CHSY3: variants seen among roughly 807,000 people sequenced by gnomAD.
CHSY3 encodes the protein chondroitin sulfate synthase 3.
Under a neutral mutation model 67.2 loss-of-function variants are expected in CHSY3, and 35 were observed. The ratio of observed to expected loss-of-function variants is 0.52; its 90% CI spans 0.40 to 0.69. CHSY3 has a LOEUF of 0.69. Among genes scored for constraint, CHSY3 ranks in the 30% least tolerant of loss-of-function variants. CHSY3 has a pLI of 0.00. For synonymous variants in CHSY3, 474 were observed against 434.7 expected (o/e 1.09, Z -1.12); for missense variants, 1,069 against 1,138.5 (o/e 0.94, Z 0.88).
intron 2 of CHSY3, among the ~76,000 whole-genome samples, chr5:129,973,979 C>T (rs1022761880): frequency 2.0e-5 from 3 of 152,082 alleles, no homozygotes; most frequent in African/African-American, 4.8e-5. Flanking sequence ...AGGTCTGCAA[C>T]GCTCTTGTTC....
rs991836700 is a variant in CHSY3 at position 129,904,686 on chromosome 5, G to T, written c.-144G>T. On this transcript the variant is annotated 5_prime_UTR_variant, in exon 1 of 3. Transcript: ENST00000305031. ...GCAGTCGAGGCGTCCGCGGCGCTTC[G>T]ACCTCCAGCCGGTGTCGGCGCCTAG... is the stretch of plus-strand genomic sequence containing the variant. The T allele has an allele frequency of 8.4e-7, 1 of 1,193,008 alleles. No homozygotes were observed. The highest frequency in any genetic ancestry group is 1.0e-6 in the Non-Finnish European group (1 of 958,152). 73.9% of individuals were successfully genotyped at this position (1,193,008 alleles called of 1,614,324 possible).
At chr5:130,159,889 A>G (rs1025646769) in intron 2 of CHSY3, among the ~76,000 whole-genome samples, 1 of 152,224 alleles carries the variant, frequency 6.6e-6, no homozygotes, top group African/African-American at 2.4e-5. Context: ...GTAGAAGTGC[A>G]TACCTAATGT....
intron 2 of CHSY3, among the ~76,000 whole-genome samples, chr5:130,069,461 G>A (rs548668667): frequency 5.9e-4 from 89 of 152,012 alleles, no homozygotes; most frequent in African/African-American, 2.1e-3. Context: ...ACCAGCCTGA[G>A]CAATATAGTG....
intron 2 of CHSY3, among the ~76,000 whole-genome samples, chr5:130,115,988 C>A (rs910454009): frequency 1.3e-5 from 2 of 152,124 alleles, no homozygotes; most frequent in Admixed American, 1.3e-4. Flanking sequence ...CCACACGGAT[C>A]ACACAGGAGG....
In CHSY3 at chr5:130,165,931, C is replaced by T. The variant is rs190595490; in HGVS notation, c.1087-18298C>T. The stretch of plus-strand genomic sequence containing the variant: ...TATAAAGAATTGGAGATGGTATTCA[C>T]GTGAATATTTTGATTACACTGATCT... On this transcript the variant is annotated intron_variant, in intron 2 of 2. Transcript: ENST00000305031. Among the ~76,000 whole-genome samples, 31 of 152,074 alleles carry T rather than the reference C, an allele frequency of 2.0e-4. 1 individual carries two copies. In the East Asian group the frequency reaches 4.6e-3, roughly 23 times the overall value.
intron 2 of CHSY3, among the ~76,000 whole-genome samples, chr5:130,163,331 G>T (rs888433797): frequency 2.0e-5 from 3 of 152,026 alleles, no homozygotes; most frequent in Non-Finnish European, 2.9e-5. Flanking sequence ...TCTTTTTAGA[G>T]AAATTAATAG....
intron 2 of CHSY3, among the ~76,000 whole-genome samples, chr5:129,932,731 T>G (rs1445892144): frequency 6.6e-6 from 1 of 152,150 alleles, no homozygotes; most frequent in Non-Finnish European, 1.5e-5. Flanking sequence ...AAATATTGAC[T>G]AATACCCATT....
chr5:130,024,813 A>G (rs905176187), intron 2 of CHSY3, among the ~76,000 whole-genome samples: 1 of 152,174 alleles, frequency 6.6e-6, no homozygotes, highest in Non-Finnish European at 1.5e-5. Flanking sequence ...ACTACAGTGT[A>G]TAAACTTATG....
chr5:130,124,581 G>A (rs770655012), intron 2 of CHSY3, among the ~76,000 whole-genome samples: 11 of 151,410 alleles, frequency 7.3e-5, no homozygotes, highest in Admixed American at 3.3e-4. Flanking sequence ...TCAGCATCCC[G>A]AGTAGCTGAG....
chr5:130,083,802 T>G (rs560610800), intron 2 of CHSY3, among the ~76,000 whole-genome samples: 2 of 151,802 alleles, frequency 1.3e-5, no homozygotes, highest in South Asian at 4.2e-4. Context: ...CTGGTTTTTG[T>G]TTTTTTTCTG....
chr5:130,005,354 G>T (rs1763845680), intron 2 of CHSY3, among the ~76,000 whole-genome samples: 1 of 151,996 alleles, frequency 6.6e-6, no homozygotes, highest in Non-Finnish European at 1.5e-5. Flanking sequence ...GGCAGAGGTT[G>T]CAGTGAGCCG....
intron 2 of CHSY3, among the ~76,000 whole-genome samples, chr5:130,016,762 T>C (rs1251087992): frequency 1.3e-5 from 2 of 152,166 alleles, no homozygotes; most frequent in Non-Finnish European, 2.9e-5. Flanking sequence ...GTCTGAAGTA[T>C]AGAGATCATA....
At chr5:129,928,113 G>T (rs527676710) in intron 2 of CHSY3, among the ~76,000 whole-genome samples, 70 of 152,050 alleles carry the variant, frequency 4.6e-4, no homozygotes, top group Middle Eastern at 6.8e-3. Flanking sequence ...TGTGTGTCAT[G>T]GGGGTTTGTT....
chr5:129,992,858 G>A (rs564866140), intron 2 of CHSY3, among the ~76,000 whole-genome samples: 1 of 152,286 alleles, frequency 6.6e-6, no homozygotes, highest in Admixed American at 6.5e-5. Context: ...GCCATGTTAT[G>A]TCAAGTTGTG....
At chr5:130,097,730 G>A (rs999037821) in intron 2 of CHSY3, among the ~76,000 whole-genome samples, 8 of 152,288 alleles carry the variant, frequency 5.3e-5, no homozygotes, top group Non-Finnish European at 1.0e-4. Context: ...GAGGCAGGAC[G>A]CGGTGGCTCA....
chr5:130,183,602 T>C (rs906314487), intron 2 of CHSY3, among the ~76,000 whole-genome samples: 6 of 152,136 alleles, frequency 3.9e-5, no homozygotes, highest in Non-Finnish European at 8.8e-5. Context: ...ATGGACACAG[T>C]CAATTGTTGT....
intron 2 of CHSY3, among the ~76,000 whole-genome samples, chr5:130,101,072 C>G (rs1300326602): frequency 6.6e-6 from 1 of 152,212 alleles, no homozygotes; most frequent in Non-Finnish European, 1.5e-5. Flanking sequence ...GTGAAAACTG[C>G]TAGCAATTGT....
intron 2 of CHSY3, among the ~76,000 whole-genome samples, chr5:130,029,075 G>C (rs1764638089): frequency 6.6e-6 from 1 of 151,930 alleles, no homozygotes; most frequent in South Asian, 2.1e-4. Flanking sequence ...ATCAGTGCCG[G>C]TGGCCCCACA....
At chr5:129,959,596 T>C (rs1251858815) in intron 2 of CHSY3, among the ~76,000 whole-genome samples, 1 of 152,088 alleles carries the variant, frequency 6.6e-6, no homozygotes, top group Non-Finnish European at 1.5e-5. Flanking sequence ...ATTTATGATC[T>C]GGAATAGTTG....
Sources: allele counts gnomAD v4.1 joint callset (sites outside exome capture counted in the v4.1 genomes callset), GRCh38; gene constraint gnomAD v4.1.1; transcripts MANE v1.5; gene names NCBI Gene and HGNC (gene_info 2026-07-23, HGNC 2026-07-21).